The following ARHGAP22 variants were observed in gnomAD, a reference collection of about 807,000 sequenced individuals.
ARHGAP22 encodes the protein rho GTPase-activating protein 22.
A neutral mutation model predicts 59.1 loss-of-function variants in ARHGAP22; 48 were observed. The observed-to-expected ratio is 0.81, with a 90% CI of 0.64 to 1.03. The LOEUF (loss-of-function observed/expected upper bound fraction) is 1.03, where lower values mean the gene tolerates loss of function less well. Among genes scored for constraint, ARHGAP22 ranks in the 50% least tolerant of loss-of-function variants. The pLI, the probability that ARHGAP22 is intolerant of heterozygous loss-of-function variation, is 0.00. For synonymous variants in ARHGAP22, 445 were observed against 416.4 expected (o/e 1.07, Z -0.84); for missense variants, 1,015 against 958.7 (o/e 1.06, Z -0.78).
intron 1 of ARHGAP22, among the ~76,000 whole-genome samples, chr10:48,590,318 T>C (rs1039464640): frequency 1.3e-5 from 2 of 151,726 alleles, no homozygotes; most frequent in Admixed American, 6.6e-5. Flanking sequence ...GAGGGTCAGG[T>C]AGGGTGATGA....
intron 1 of ARHGAP22, among the ~76,000 whole-genome samples, chr10:48,584,381 T>G (rs1222700841): frequency 6.6e-6 from 1 of 152,166 alleles, no homozygotes; most frequent in African/African-American, 2.4e-5. Flanking sequence ...CATGGTGAGC[T>G]CCTATATATC....
intron 3 of ARHGAP22, among the ~76,000 whole-genome samples, chr10:48,485,189 C>T (rs985174041): frequency 1.3e-5 from 2 of 151,272 alleles, no homozygotes; most frequent in East Asian, 1.9e-4. Context: ...ATTTTTTTTT[C>T]TTCTGCTTAC....
chr10:48,466,257 G>A (rs1182951039), intron 4 of ARHGAP22, among the ~76,000 whole-genome samples: 3 of 70,990 alleles, frequency 4.2e-5, no homozygotes, highest in African/African-American at 2.2e-4. Flanking sequence ...GGGATCCTTT[G>A]CAAGTCCCTG....
At chr10:48,527,682 T>C (rs1215340778) in intron 3 of ARHGAP22, among the ~76,000 whole-genome samples, 2 of 152,224 alleles carry the variant, frequency 1.3e-5, no homozygotes, top group Non-Finnish European at 2.9e-5. Flanking sequence ...CCACTTAGCA[T>C]AGAATTTGTC....
chr10:48,516,454 G>C (rs1274399403), intron 3 of ARHGAP22, among the ~76,000 whole-genome samples: 1 of 152,138 alleles, frequency 6.6e-6, no homozygotes, highest in East Asian at 1.9e-4. Context: ...CTGGAGCCCA[G>C]AGGTTTGAAG....
chr10:48,437,542 T>G, the ARHGAP22 span: 1 of 152,248 alleles, frequency 6.6e-6, no homozygotes, highest in Non-Finnish European at 1.5e-5. Flanking sequence ...ATGCTAATTC[T>G]GTACCAATGT....
intron 1 of ARHGAP22, among the ~76,000 whole-genome samples, chr10:48,602,404 AAGAC>A (rs1196505615): frequency 1.3e-5 from 2 of 152,192 alleles, no homozygotes; most frequent in African/African-American, 2.4e-5. Context: ...ATTGCAAACA[AAGAC>A]AGAAATTCTA....
chr10:48,454,608 G>T (rs1267448161), intron 6 of ARHGAP22, among the ~76,000 whole-genome samples: 2 of 152,214 alleles, frequency 1.3e-5, no homozygotes, highest in Non-Finnish European at 2.9e-5. Flanking sequence ...AAATTCTTTT[G>T]GGAAGGAAGC....
chr10:48,431,684 T>C, the ARHGAP22 span, among the ~76,000 whole-genome samples: 2 of 152,228 alleles, frequency 1.3e-5, no homozygotes, highest in Non-Finnish European at 2.9e-5. Context: ...ATTATTGATT[T>C]GTTGAATGAA....
chr10:48,455,773 C>CA, intron 5 of ARHGAP22, among the ~76,000 whole-genome samples: 1 of 152,250 alleles, frequency 6.6e-6, no homozygotes. Flanking sequence ...GGAGGAGCTG[C>CA]ATCAAAGGCG....
intron 3 of ARHGAP22, among the ~76,000 whole-genome samples, chr10:48,514,392 C>T (rs2053091257): frequency 6.6e-6 from 1 of 152,148 alleles, no homozygotes; most frequent in African/African-American, 2.4e-5. Flanking sequence ...TAACAGTTGA[C>T]TTCTCATCAG....
upstream of ARHGAP22, among the ~76,000 whole-genome samples, chr10:48,606,653 C>T (rs2060687719): frequency 6.6e-6 from 1 of 152,224 alleles, no homozygotes; most frequent in African/African-American, 2.4e-5. Context: ...CTTGCATGTG[C>T]AGCCCCTGCT....
intron 4 of ARHGAP22, among the ~76,000 whole-genome samples, chr10:48,469,676 G>T (rs2048048941): frequency 6.6e-6 from 1 of 152,212 alleles, no homozygotes; most frequent in African/African-American, 2.4e-5. Context: ...GTGTTGTTAG[G>T]TAAGTTGCTG....
chr10:48,583,703 C>T (rs183499778), intron 1 of ARHGAP22, among the ~76,000 whole-genome samples: 1 of 152,202 alleles, frequency 6.6e-6, no homozygotes, highest in African/African-American at 2.4e-5. Flanking sequence ...CTGGCCCCAC[C>T]CAGATCTGGT....
chr10:48,480,382 T>A (rs1202837007), intron 3 of ARHGAP22, among the ~76,000 whole-genome samples: 1 of 152,224 alleles, frequency 6.6e-6, no homozygotes, highest in Non-Finnish European at 1.5e-5. Flanking sequence ...TTTCCCCTCT[T>A]TGGTTCTCAA....
intron 6 of ARHGAP22, 122 bp downstream of exon 6, chr10:48,454,880 G>T: frequency 2.1e-6 from 2 of 940,660 alleles, no homozygotes; most frequent in Non-Finnish European, 2.7e-6. Context: ...CCCCAACACA[G>T]CAGGCCTCCA....
intron 2 of ARHGAP22, among the ~76,000 whole-genome samples, chr10:48,571,339 G>T (rs2058380542): frequency 6.6e-6 from 1 of 152,132 alleles, no homozygotes; most frequent in Admixed American, 6.5e-5. Flanking sequence ...TTCATATACT[G>T]CCCCTTAGCA....
rs976293009 is a variant in ARHGAP22, at chr10:48,453,401, G to A, written c.891C>T (p.Tyr297=). The A allele has an allele frequency of 1.2e-6, 2 of 1,613,996 alleles. No individual in the cohort carries two copies. Among genetic ancestry groups the A allele is most frequent in the African/African-American group, 1.3e-5 (1 of 75,072 alleles). Residue 297 remains tyrosine (Y), a synonymous_variant, in exon 8 of 10, where the codon TAC becomes TAT. Transcript: ENST00000249601. ...GGACACTCATCTTGTTGACATTTGA[G>A]TATGCCTGAACTTCATCCAGAAACC... ...ICKFLDEVQA[Y]SNVNKMSVQN...
intron 3 of ARHGAP22, among the ~76,000 whole-genome samples, chr10:48,543,941 G>A (rs1260830961): frequency 3.9e-5 from 6 of 152,150 alleles, no homozygotes; most frequent in African/African-American, 1.4e-4. Flanking sequence ...GGCCAACATG[G>A]TGAAACCCCG....
Sources: gnomAD v4.1 joint callset for allele counts (sites outside exome capture counted in the v4.1 genomes callset) on GRCh38, gnomAD v4.1.1 for gene constraint, MANE v1.5 for transcripts, NCBI Gene and HGNC (gene_info 2026-07-23, HGNC 2026-07-21) for gene names.